The following PLEKHA5 variants were observed in gnomAD, a reference collection of about 807,000 sequenced individuals.
The protein encoded by PLEKHA5 is pleckstrin homology domain-containing family A member 5.
A neutral mutation model predicts 181.9 loss-of-function variants in PLEKHA5; 55 were observed. The observed-to-expected ratio is 0.30, with a 90% CI of 0.24 to 0.38. The LOEUF is 0.38. Among genes scored for constraint, PLEKHA5 ranks in the 10% least tolerant of loss-of-function variants. The probability of loss-of-function intolerance (pLI) is 1.00; values close to 1 mark genes in which losing one functional copy is unlikely to be tolerated. For missense variants in PLEKHA5, 1,432 were observed against 1,549.5 expected (o/e 0.92, Z 1.27); for synonymous variants, 535 against 529.4 (o/e 1.01, Z -0.15).
chr12:19,340,443 T>C (rs1221858034), intron 21 of PLEKHA5, among the ~76,000 whole-genome samples: 3 of 47,074 alleles, frequency 6.4e-5, no homozygotes, highest in Non-Finnish European at 2.0e-4. Flanking sequence ...CCACCCCGTC[T>C]GGGAGGTGTA....
chr12:19,228,817 T>A (rs767895984), intron 3 of PLEKHA5, among the ~76,000 whole-genome samples: 2 of 152,218 alleles, frequency 1.3e-5, no homozygotes, highest in Non-Finnish European at 2.9e-5. Flanking sequence ...AAAATGCTTA[T>A]TTTATGGAAA....
intron 15 of PLEKHA5, among the ~76,000 whole-genome samples, chr12:19,302,906 ATTTTTTTTTTTT>A (rs34702332): frequency 4.1e-3 from 223 of 54,038 alleles, no homozygotes; most frequent in Non-Finnish European, 5.1e-3. Context: ...TCTGTATGAA[ATTTTTTTTTTTT>A]TTTTTTTTTT....
chr12:19,367,258 C>CTTTTTTTTT (rs376634416), intron 30 of PLEKHA5, among the ~76,000 whole-genome samples: 2 of 71,994 alleles, frequency 2.8e-5, no homozygotes, highest in Non-Finnish European at 5.0e-5. Context: ...TTTGCTTCTT[C>CTTTTTTTTT]TTTTTTTTTT....
chr12:19,332,897 C>G (rs1052856300), intron 20 of PLEKHA5, among the ~76,000 whole-genome samples: 1 of 152,198 alleles, frequency 6.6e-6, no homozygotes, highest in Non-Finnish European at 1.5e-5. Context: ...CTCAAGCGAT[C>G]CGTCCATCTC....
In PLEKHA5 at chr12:19,361,701, A is replaced by T. The variant is rs2095248851; in HGVS notation, c.3603A>T (p.Thr1201=). ...RNKDKMPEDV[T]FSPQDETQTA... is the part of the protein sequence containing the mutation. ...AAGACAAAATGCCTGAGGATGTTAC[A>T]TTCAGGTAATATTTAAGAAAAGCAA... The change falls in exon 29 of 32, where the codon ACA becomes ACT. Residue 1201 remains threonine, a synonymous_variant. Transcript: ENST00000429027. The T allele has an allele frequency of 6.3e-7, 1 of 1,593,188 alleles. No homozygotes were observed. The highest frequency in any genetic ancestry group is 8.5e-7 in the Non-Finnish European group (1 of 1,170,086).
chr12:19,298,891 C>T (rs370742681), intron 15 of PLEKHA5, among the ~76,000 whole-genome samples: 212 of 152,278 alleles, frequency 1.4e-3, no homozygotes, highest in Middle Eastern at 3.4e-3. Context: ...AAGGCTGGCA[C>T]CTTAAAACCC....
At position 19,145,856 on chromosome 12, in the gene PLEKHA5, T is replaced by A. The variant is rs76979075; in HGVS notation, c.227+13406T>A. Among the ~76,000 whole-genome samples the A allele has an allele frequency of 9.5e-3, 1,441 of 152,260 alleles. 16 individuals carry two copies. Among genetic ancestry groups the A allele is most frequent in the African/African-American group, 0.028 (1,150 of 41,546 alleles). On this transcript the variant is annotated intron_variant, in intron 3 of 31. Transcript: ENST00000429027. ...GCTTTGGTAAGTTGTAGTAAGATCC[T>A]GCTAAACCCCGTAAGTAGAGTTCAA...
At chr12:19,229,972 A>G (rs996230720) in intron 3 of PLEKHA5, among the ~76,000 whole-genome samples, 3 of 152,184 alleles carry the variant, frequency 2.0e-5, no homozygotes, top group African/African-American at 2.4e-5. Context: ...TGAGCTAGAT[A>G]CAGAGTGCTG....
chr12:19,357,099 A>C (rs2094978692), intron 26 of PLEKHA5, among the ~76,000 whole-genome samples: 1 of 152,178 alleles, frequency 6.6e-6, no homozygotes, highest in Non-Finnish European at 1.5e-5. Context: ...TTTTCATCAA[A>C]ATAAAAGAAA....
At chr12:19,319,437 C>A (rs2090048440) in intron 16 of PLEKHA5, among the ~76,000 whole-genome samples, 2 of 152,236 alleles carry the variant, frequency 1.3e-5, no homozygotes, top group Middle Eastern at 3.4e-3. Flanking sequence ...TTAAATGATG[C>A]TTCCTTTTAA....
At chr12:19,316,724 G>A (rs1326909332) in intron 16 of PLEKHA5, among the ~76,000 whole-genome samples, 1 of 152,042 alleles carries the variant, frequency 6.6e-6, no homozygotes, top group Non-Finnish European at 1.5e-5. Context: ...ATTAAGCAGG[G>A]CATCCTTAAT....
At chr12:19,306,682 C>T in intron 15 of PLEKHA5, 1 of 1,470,762 alleles carries the variant, frequency 6.8e-7, no homozygotes. Flanking sequence ...TAGCTCTGAG[C>T]AGATGCGGAC....
At chr12:19,200,869 G>A (rs2054027163) in intron 3 of PLEKHA5, 2 of 159,728 alleles carry the variant, frequency 1.3e-5, no homozygotes, top group South Asian at 4.0e-4. Flanking sequence ...AAATTAAGTG[G>A]ATTATTGATT....
At chr12:19,161,981 A>T (rs954976) in intron 3 of PLEKHA5, among the ~76,000 whole-genome samples, 82,957 of 152,098 alleles carry the variant, frequency 0.55, 26,613 homozygotes, top group Non-Finnish European at 0.73. Context: ...CAATAACTGT[A>T]ATTTGATATG....
At chr12:19,212,187 A>G (rs1049279309) in intron 3 of PLEKHA5, among the ~76,000 whole-genome samples, 1 of 152,200 alleles carries the variant, frequency 6.6e-6, no homozygotes, top group Admixed American at 6.5e-5. Flanking sequence ...CACAGTTGGG[A>G]TCACGTGGAA....
At chr12:19,348,872 G>C (rs555594805) in intron 25 of PLEKHA5, among the ~76,000 whole-genome samples, 15 of 152,104 alleles carry the variant, frequency 9.9e-5, no homozygotes, top group African/African-American at 2.9e-4. Flanking sequence ...TGAGGCAGGA[G>C]AATCACTGGA....
At chr12:19,350,955 CTTTTT>C (rs35006570) in intron 25 of PLEKHA5, among the ~76,000 whole-genome samples, 1 of 112,542 alleles carries the variant, frequency 8.9e-6, no homozygotes. Context: ...TATTCAAAGT[CTTTTT>C]TTTTTTTTTT....
At chr12:19,350,167 G>C (rs750518230) in intron 25 of PLEKHA5, among the ~76,000 whole-genome samples, 1 of 152,134 alleles carries the variant, frequency 6.6e-6, no homozygotes, top group Non-Finnish European at 1.5e-5. Context: ...ATTGGACCAT[G>C]GTTTAAAAGA....
At chr12:19,166,801 C>T (rs1433747744) in intron 3 of PLEKHA5, among the ~76,000 whole-genome samples, 2 of 152,124 alleles carry the variant, frequency 1.3e-5, no homozygotes. Flanking sequence ...TTATTTTTCC[C>T]TAACTACGTG....
Sources: allele counts gnomAD v4.1 joint callset (sites outside exome capture counted in the v4.1 genomes callset), GRCh38; gene constraint gnomAD v4.1.1; transcripts MANE v1.5; gene names NCBI Gene and HGNC (gene_info 2026-07-23, HGNC 2026-07-21).